Variants in ABR observed in about 807,000 individuals in gnomAD.
The protein encoded by ABR is ABR activator of RhoGEF and GTPase.
ABR carries 35 observed loss-of-function variants against 107.2 expected under a neutral mutation model. The ratio of observed to expected loss-of-function variants is 0.33; its 90% CI spans 0.25 to 0.43. The LOEUF (loss-of-function observed/expected upper bound fraction) is 0.43. ABR is among the 20% of genes least tolerant of loss of function. The pLI is 1.00. For synonymous variants in ABR, 498 were observed against 462.0 expected (o/e 1.08, Z -1.00); for missense variants, 815 against 1,115.2 (o/e 0.73, Z 3.83).
intron 1 of ABR, among the ~76,000 whole-genome samples, chr17:1,146,847 C>A (rs1288938695): frequency 1.5e-5 from 1 of 65,226 alleles, no homozygotes; most frequent in African/African-American, 4.7e-5. Flanking sequence ...TGCCACCAGG[C>A]CACCACTGCC....
upstream of ABR, among the ~76,000 whole-genome samples, chr17:1,180,786 G>A (rs904113009): frequency 1.4e-4 from 22 of 152,340 alleles, no homozygotes; most frequent in African/African-American, 4.6e-4. Flanking sequence ...CTCGCCCAAG[G>A]GCAGTGAAGA....
chr17:1,210,672 T>C lies in ABR; in HGVS notation c.838+18121A>G, dbSNP rs59752064. Among the ~76,000 whole-genome samples the C allele has an allele frequency of 0.047, 7,108 of 152,274 alleles. 457 individuals are homozygous for C. Among genetic ancestry groups the C allele is most frequent in the African/African-American group, 0.15 (6,041 of 41,530 alleles). On this transcript the variant is annotated intron_variant, in intron 1 of 22. Coordinates refer to the ABR transcript ENST00000574139. This position sits in a 1 kb window ranked among gnomAD's most constrained non-coding sequence, Gnocchi z 5.6. ...CACTTTGGGCTGTTTCCTCTCTCTC[T>C]GCTTCCTGGCTCCTAACACAAAAGG...
chr17:1,062,131 G>A lies in ABR; in HGVS notation c.1183-3264C>T, dbSNP rs116909369. On this transcript the variant is annotated intron_variant, in intron 10 of 22. Transcript: ENST00000302538. ...GAAAACAGACCAAGCTGACCAAACC[G>A]CTCCAGGCCCTTCCTCCACTCACAG... Among the ~76,000 whole-genome samples the A allele has an allele frequency of 5.1e-3, 673 of 131,570 alleles. 37 individuals carry two copies. The highest frequency in any genetic ancestry group is 0.015 in the East Asian group (54 of 3,568). The allele number at this position is 131,570 out of a possible 152,430, so 86.3% of individuals were successfully genotyped here. A position where few individuals can be genotyped will look rare whatever the true frequency, so the allele number is the denominator to read the frequency against.
At chr17:1,006,225 C>A (rs1046664831) in intron 22 of ABR, 56 bp from the exon 23 acceptor site, 21 of 1,444,672 alleles carry the variant, frequency 1.5e-5, no homozygotes, top group African/African-American at 1.4e-5. Flanking sequence ...CTCGTCCTTG[C>A]TGACTCCAGC....
At chr17:1,101,026 G>C (rs181742449) in intron 2 of ABR, 366 of 426,732 alleles carry the variant, frequency 8.6e-4, no homozygotes, top group Non-Finnish European at 1.3e-3. Flanking sequence ...GTTTCACCAT[G>C]TTGGCCAGGC....
chr17:1,012,980 G>A, intron 17 of ABR, 125 bp downstream of exon 17: 1 of 1,234,218 alleles, frequency 8.1e-7, no homozygotes, highest in Non-Finnish European at 1.2e-6. Context: ...AGAGGGGGCT[G>A]GGCTGCGGGG....
intron 1 of ABR, among the ~76,000 whole-genome samples, chr17:1,221,161 C>T (rs1023710318): frequency 6.6e-6 from 1 of 152,182 alleles, no homozygotes; most frequent in Non-Finnish European, 1.5e-5. Context: ...TTCTATTTTT[C>T]CTTGTAACAG....
chr17:1,226,504 CAT>C (rs1449443217), intron 1 of ABR, among the ~76,000 whole-genome samples: 2 of 104,214 alleles, frequency 1.9e-5, no homozygotes, highest in Non-Finnish European at 3.5e-5. Context: ...TGTAGGTGTG[CAT>C]GTGTGTGCAT....
In ABR at chr17:1,100,019, G is replaced by A. The variant is rs534416517; in HGVS notation, c.345+618C>T. 1.6e-3 allele frequency among the ~76,000 whole-genome samples: 240 copies of A among 152,042 alleles called. 1 individual carries two copies. The highest frequency in any genetic ancestry group is 2.6e-3 in the Non-Finnish European group (177 of 67,986). ...CGTGCACGTGCAATTCCAGCCACTC[G>A]GGAGGCTGAGGCAGGAGAATCACTT... is the stretch of plus-strand genomic sequence containing the variant. On this transcript the variant is annotated intron_variant, in intron 3 of 22. Transcript: ENST00000302538.
Position 1,132,453 on chromosome 17 carries a change from A to G in ABR, c.62-7086T>C, listed in dbSNP as rs2039888887. ...GAATGCATTGGCACGATCTCAGCTCACTGCAACCTCCACCTGCCAGGTTCA... is the reference window on the plus strand; with the variant it reads ...GAATGCATTGGCACGATCTCAGCTCGCTGCAACCTCCACCTGCCAGGTTCA... On this transcript the variant is annotated intron_variant, in intron 1 of 22. Coordinates refer to ENST00000302538, the MANE Select transcript of ABR (RefSeq NM_021962.5). Among the ~76,000 whole-genome samples, 4 of 144,136 alleles carry G rather than the reference A, an allele frequency of 2.8e-5. No homozygotes were observed. In the Admixed American group the frequency reaches 3.0e-4, roughly 11 times the overall value. The allele number at this position is 144,136 out of a possible 152,430, so 94.6% of individuals were successfully genotyped here.
intron 12 of ABR, among the ~76,000 whole-genome samples, chr17:1,057,417 G>A (rs904367519): frequency 1.4e-5 from 2 of 147,646 alleles, no homozygotes; most frequent in Admixed American, 7.0e-5. Context: ...TCACTCTGTC[G>A]CCCAGGCTGG....
Position 1,012,735 on chromosome 17 carries a change from G to T in ABR, c.1914C>A (p.Ser638=). The T allele has an allele frequency of 6.3e-7, 1 of 1,597,882 alleles. No individual in the cohort carries two copies. Among genetic ancestry groups the T allele is most frequent in the Non-Finnish European group, 8.5e-7 (1 of 1,171,568 alleles). Reference sequence around the variant, plus strand: ...CACCGAAGACGCCGGTCTGCTTTTTGGACGGGGTCCTCTTCAGGCTCATAT... The same window carrying T: ...CACCGAAGACGCCGGTCTGCTTTTTTGACGGGGTCCTCTTCAGGCTCATAT... ...SRDMSLKRTP[S]KKQTGVFGVK... The change falls in exon 18 of 23, where the codon TCC becomes TCA. Residue 638 remains serine (S), a synonymous_variant. Coordinates refer to ENST00000302538, the MANE Select transcript of ABR (RefSeq NM_021962.5).
chr17:1,009,678 C>T lies in ABR; in HGVS notation c.2342+1G>A, dbSNP rs1394925942. ...GTGGGGTTGGGGCCGCTCCCCGTTA[C>T]CTTTTCAAGTGTTCCAGCAGGAAGA... On this transcript the variant is annotated splice_donor_variant, in intron 21 of 22. Transcript: ENST00000302538. LOFTEE classifies it high-confidence loss of function. 6.2e-7 allele frequency: 1 copy of T among 1,613,246 alleles called. No individual in the cohort carries two copies.
chr17:1,101,802 C>T (rs561209624), intron 2 of ABR, among the ~76,000 whole-genome samples: 16 of 151,296 alleles, frequency 1.1e-4, no homozygotes, highest in South Asian at 4.2e-4. Context: ...GGCGCGATCT[C>T]GGCTCACTGC....
chr17:1,158,441 G>A (rs1220753966), intron 1 of ABR, among the ~76,000 whole-genome samples: 1 of 151,138 alleles, frequency 6.6e-6, no homozygotes, highest in East Asian at 2.0e-4. Flanking sequence ...TGTATGTGCT[G>A]TTTTGCATAT....
chr17:1,009,953 C>T (rs138992357), intron 20 of ABR, 169 bp from the exon 21 acceptor site: 152 of 625,352 alleles, frequency 2.4e-4, no homozygotes, highest in Middle Eastern at 1.7e-3. Flanking sequence ...TCAGCAGCTG[C>T]TTCCTCCAGG....
At chr17:1,152,220 T>C (rs2040825267) in intron 1 of ABR, among the ~76,000 whole-genome samples, 1 of 151,382 alleles carries the variant, frequency 6.6e-6, no homozygotes, top group African/African-American at 2.4e-5. Flanking sequence ...AACCTAGAGC[T>C]TGCAGTGAGC....
At chr17:1,153,127 G>A (rs568700277) in intron 1 of ABR, among the ~76,000 whole-genome samples, 4 of 152,298 alleles carry the variant, frequency 2.6e-5, no homozygotes, top group African/African-American at 4.8e-5. Context: ...ATCCAGAGCC[G>A]CCCTCTGTTC....
rs767824116 is a variant in ABR at position 1,012,809 on chromosome 17, G to GT, written c.1852-13dup. 35 of 1,560,268 alleles carry GT rather than the reference G, an allele frequency of 2.2e-5. No homozygotes were observed. The East Asian group carries it at 5.6e-4, about 25-fold the overall frequency. ...AATTCCACTTTGATCTGGTTGGGGG[G>GT]TGAGGCAGGTAAAGATTCCCCAGGG... On this transcript the variant is annotated splice_polypyrimidine_tract_variant and intron_variant, in intron 17 of 22. Transcript: ENST00000302538.
Sources: allele counts gnomAD v4.1 joint callset (sites outside exome capture counted in the v4.1 genomes callset), GRCh38; gene constraint gnomAD v4.1.1; non-coding constraint Gnocchi (gnomAD v3.1); transcripts MANE v1.5; gene names NCBI Gene and HGNC (gene_info 2026-07-23, HGNC 2026-07-21).